Variants in GINS3 observed in about 807,000 individuals in gnomAD.
GINS3 encodes the protein DNA replication complex GINS protein PSF3.
A neutral mutation model predicts 20.0 loss-of-function variants in GINS3; 18 were observed. The ratio of observed to expected loss-of-function variants is 0.90; its 90% CI spans 0.62 to 1.33. GINS3 has a LOEUF of 1.33. Among genes scored for constraint, GINS3 ranks in the 40% most tolerant of loss-of-function variants. The pLI is 0.00. For synonymous variants in GINS3, 109 were observed against 107.0 expected (o/e 1.02, Z -0.12); for missense variants, 254 against 273.6 (o/e 0.93, Z 0.51).
In GINS3 at chr16:58,404,904, CTG is replaced by C. The variant is rs564709950; in HGVS notation, c.*178_*179del. 366 of 608,116 alleles carry C rather than the reference CTG, an allele frequency of 6.0e-4. 7 individuals are homozygous for C. In the South Asian group the frequency reaches 6.5e-3, roughly 11 times the overall value. 37.7% of individuals were successfully genotyped at this position (608,116 alleles called of 1,614,324 possible). A position where few individuals can be genotyped will look rare whatever the true frequency, so the allele number is the denominator to read the frequency against. On this transcript the variant is annotated 3_prime_UTR_variant, in exon 3 of 3. Coordinates refer to ENST00000318129, the MANE Select transcript of GINS3 (RefSeq NM_022770.4). ...CTGGAGGATGTGGGTGTCCCTGGCT[CTG>C]TGAGTCTTCCAGGACCGTCCCACCC... is the stretch of plus-strand genomic sequence containing the variant.
In GINS3 at chr16:58,405,678, A is replaced by G. The variant is rs1249683807; in HGVS notation, c.*949A>G. ...TTTCCTCTTCAGTAACTTTTGCAAC[A>G]TTATTGCATAGAAGATCCCTGACCA... On this transcript the variant is annotated 3_prime_UTR_variant, in exon 3 of 3. Coordinates refer to ENST00000318129, the MANE Select transcript of GINS3 (RefSeq NM_022770.4). 6 of 152,154 alleles carry G rather than the reference A, an allele frequency of 3.9e-5. No individual in the cohort carries two copies. Among genetic ancestry groups the G allele is most frequent in the Non-Finnish European group, 7.4e-5 (5 of 68,022 alleles). 9.4% of individuals were successfully genotyped at this position (152,154 alleles called of 1,614,324 possible). A position where few individuals can be genotyped will look rare whatever the true frequency, so the allele number is the denominator to read the frequency against.
At chr16:58,403,532 A>G (rs1375516010) in intron 2 of GINS3, 4 of 544,466 alleles carry the variant, frequency 7.3e-6, no homozygotes, top group South Asian at 7.1e-5. Flanking sequence ...TTTTTTTAAT[A>G]TGACTTGTCT....
chr16:58,397,651 A>G (rs1036462903), intron 1 of GINS3, among the ~76,000 whole-genome samples: 1 of 152,036 alleles, frequency 6.6e-6, no homozygotes, highest in Non-Finnish European at 1.5e-5. Flanking sequence ...CCAAAAAAAT[A>G]CGAAAACCAG....
intron 1 of GINS3, among the ~76,000 whole-genome samples, chr16:58,396,451 C>T (rs1401774572): frequency 1.1e-5 from 1 of 88,702 alleles, no homozygotes; most frequent in African/African-American, 5.0e-5. Flanking sequence ...CTCCTCACTT[C>T]CCAGTAGGGG....
intron 1 of GINS3, among the ~76,000 whole-genome samples, chr16:58,396,520 A>AC (rs566879192): frequency 0.029 from 1,000 of 34,106 alleles, 66 homozygotes; most frequent in African/African-American, 0.069. Flanking sequence ...GCGGGGGCTG[A>AC]CCCCCCCACC....
At chr16:58,395,249 TA>T (rs1324191333) in intron 1 of GINS3, 36 of 390,580 alleles carry the variant, frequency 9.2e-5, no homozygotes, top group Non-Finnish European at 1.4e-4. Context: ...CTAATTTTTG[TA>T]TTTTTTTTTT....
chr16:58,405,028 A>G lies in GINS3; in HGVS notation c.*299A>G, dbSNP rs1379847462. On this transcript the variant is annotated 3_prime_UTR_variant, in exon 3 of 3. Coordinates refer to ENST00000318129, the MANE Select transcript of GINS3 (RefSeq NM_022770.4). ...AAGAATCACTGCCATATAATATATC[A>G]CAGTAGAGTTGCAACTGAGATTCCT... 3.2e-6 allele frequency: 1 copy of G among 308,522 alleles called. No individual in the cohort carries two copies. Among genetic ancestry groups the G allele is most frequent in the Non-Finnish European group, 6.1e-6 (1 of 164,258 alleles). The allele number at this position is 308,522 out of a possible 1,614,324, so 19.1% of individuals were successfully genotyped here.
chr16:58,394,739 C>T (rs1471843578), intron 1 of GINS3, among the ~76,000 whole-genome samples: 1 of 152,204 alleles, frequency 6.6e-6, no homozygotes, highest in African/African-American at 2.4e-5. Context: ...GTGCCATTTT[C>T]ATCACATATT....
At chr16:58,394,351 T>G (rs955810542) in intron 1 of GINS3, among the ~76,000 whole-genome samples, 3 of 152,128 alleles carry the variant, frequency 2.0e-5, no homozygotes, top group East Asian at 1.9e-4. Flanking sequence ...GGTTTTGTTT[T>G]TTTGTTTGTT....
intron 1 of GINS3, among the ~76,000 whole-genome samples, chr16:58,398,770 A>G (rs1965916166): frequency 6.6e-6 from 1 of 151,992 alleles, no homozygotes; most frequent in South Asian, 2.1e-4. Context: ...ACCATTTTTT[A>G]TTTCTAGCTT....
chr16:58,396,197 AC>A (rs1323494858), intron 1 of GINS3, among the ~76,000 whole-genome samples: 16 of 60,268 alleles, frequency 2.7e-4, no homozygotes, highest in Admixed American at 2.6e-3. Context: ...CTCCTCACTT[AC>A]CAGTAGGGGC....
chr16:58,403,441 T>C, intron 2 of GINS3, 110 bp downstream of exon 2: 1 of 793,002 alleles, frequency 1.3e-6, no homozygotes, highest in Non-Finnish European at 2.0e-6. Context: ...TCTGTTTTTA[T>C]TCCAGGTCAG....
chr16:58,404,067 T>A, intron 2 of GINS3: 1 of 170,908 alleles, frequency 5.9e-6, no homozygotes, highest in East Asian at 1.6e-4. Context: ...AACAATGTTA[T>A]ACATCTGTTC....
At position 58,392,499 on chromosome 16, in the gene GINS3, C is replaced by T; in HGVS notation, c.-103C>T. ...CGAGTTTCAATCCACTTTCCTGACC[C>T]CAACCATCCTGCCCAGTCTCCGCTT... is the stretch of plus-strand genomic sequence containing the variant. On this transcript the variant is annotated 5_prime_UTR_variant, in exon 1 of 3. Coordinates refer to ENST00000318129, the MANE Select transcript of GINS3 (RefSeq NM_022770.4). 7.5e-7 allele frequency: 1 copy of T among 1,330,156 alleles called. No individual in the cohort carries two copies. Among genetic ancestry groups the T allele is most frequent in the Non-Finnish European group, 1.0e-6 (1 of 958,158 alleles). 82.4% of individuals were successfully genotyped at this position (1,330,156 alleles called of 1,614,324 possible). A position where few individuals can be genotyped will look rare whatever the true frequency, so the allele number is the denominator to read the frequency against.
At position 58,392,496 on chromosome 16, in the gene GINS3, AC is replaced by A; in HGVS notation, c.-102del. On this transcript the variant is annotated 5_prime_UTR_variant, in exon 1 of 3. Transcript: ENST00000318129. ...AAACGAGTTTCAATCCACTTTCCTG[AC>A]CCCAACCATCCTGCCCAGTCTCCGC... 1 of 1,293,458 alleles carries A rather than the reference AC, an allele frequency of 7.7e-7. No individual in the cohort carries two copies. The highest frequency in any genetic ancestry group is 1.1e-6 in the Non-Finnish European group (1 of 927,072). 80.1% of individuals were successfully genotyped at this position (1,293,458 alleles called of 1,614,324 possible).
chr16:58,395,064 C>A, intron 1 of GINS3: 1 of 545,810 alleles, frequency 1.8e-6, no homozygotes, highest in African/African-American at 2.0e-5. Context: ...AAAACTTTGA[C>A]CATTTTATCT....
At position 58,404,702 on chromosome 16, in the gene GINS3, G is replaced by A; in HGVS notation, c.624G>A (p.Lys208=). The A allele has an allele frequency of 6.2e-7, 1 of 1,614,024 alleles. No individual in the cohort carries two copies. Among genetic ancestry groups the A allele is most frequent in the Non-Finnish European group, 8.5e-7 (1 of 1,179,936 alleles). Residue 208 remains lysine, a synonymous_variant, in exon 3 of 3, where the codon AAG becomes AAA. Transcript: ENST00000318129. ...TASNLVQNYK[K]RKFTDMED The stretch of plus-strand genomic sequence containing the variant: ...CCAACCTCGTTCAGAATTACAAGAA[G>A]AGAAAATTCACTGATATGGAAGACT...
At chr16:58,402,928 C>T in intron 1 of GINS3, 170 bp from the exon 2 acceptor site, 1 of 598,866 alleles carries the variant, frequency 1.7e-6, no homozygotes, top group Non-Finnish European at 3.0e-6. Flanking sequence ...CATAAAACTT[C>T]AGCCCACACA....
At chr16:58,393,166 A>G (rs982680669) in intron 1 of GINS3, among the ~76,000 whole-genome samples, 2 of 152,184 alleles carry the variant, frequency 1.3e-5, no homozygotes, top group African/African-American at 4.8e-5. Context: ...TTGCCTTAAA[A>G]CAGCTTTGGG....
Sources: gnomAD v4.1 joint callset for allele counts (sites outside exome capture counted in the v4.1 genomes callset) on GRCh38, gnomAD v4.1.1 for gene constraint, MANE v1.5 for transcripts, NCBI Gene and HGNC (gene_info 2026-07-23, HGNC 2026-07-21) for gene names.